The following TSNARE1 variants were observed in gnomAD, a reference collection of about 807,000 sequenced individuals.
The protein encoded by TSNARE1 is t-SNARE domain-containing protein 1.
TSNARE1 carries 49 observed loss-of-function variants against 62.0 expected under a neutral mutation model. That is an observed-to-expected ratio of 0.79 (90% CI 0.63 to 1.00). The LOEUF is 1.00. TSNARE1 is among the 50% of genes least tolerant of loss of function. The pLI, the probability that TSNARE1 is intolerant of heterozygous loss-of-function variation, is 0.00. For missense variants in TSNARE1, 755 were observed against 700.1 expected, an observed-to-expected ratio of 1.08 and a Z score of -0.88; for synonymous variants, 328 against 294.4, an observed-to-expected ratio of 1.11 and a Z score of -1.17.
chr8:142,284,495 C>T lies in TSNARE1; in HGVS notation c.1291-10G>A, dbSNP rs777990923. On this transcript the variant is annotated splice_polypyrimidine_tract_variant and intron_variant, in intron 10 of 13. Transcript: ENST00000524325. ...CATCCAGCAAGTTGCTCTGTGGAAA[C>T]AACATAGAACCACATCAGGAGCAGG... The T allele has an allele frequency of 6.2e-7, 1 of 1,612,170 alleles. No homozygotes were observed. The highest frequency in any genetic ancestry group is 8.5e-7 in the Non-Finnish European group (1 of 1,178,624).
chr8:142,325,115 G>T (rs1830012326), intron 6 of TSNARE1, among the ~76,000 whole-genome samples: 1 of 152,270 alleles, frequency 6.6e-6, no homozygotes. Context: ...CCACGGTGGA[G>T]GAGGTGGCCA....
intron 1 of TSNARE1, among the ~76,000 whole-genome samples, chr8:142,395,269 G>A (rs1160878413): frequency 2.6e-5 from 4 of 152,126 alleles, no homozygotes; most frequent in African/African-American, 4.8e-5. Context: ...AAGCCACGCA[G>A]AGCCACTTCC....
intron 1 of TSNARE1, among the ~76,000 whole-genome samples, chr8:142,363,674 T>C (rs1254262974): frequency 6.6e-6 from 1 of 152,100 alleles, no homozygotes; most frequent in African/African-American, 2.4e-5. Flanking sequence ...CACAGGAGCC[T>C]TCAAGCTGTG....
intron 1 of TSNARE1, among the ~76,000 whole-genome samples, chr8:142,388,132 T>C (rs1447471505): frequency 6.6e-6 from 1 of 152,182 alleles, no homozygotes; most frequent in Admixed American, 6.5e-5. Flanking sequence ...ATTCACTATA[T>C]TAATATGTCT....
intron 1 of TSNARE1, among the ~76,000 whole-genome samples, chr8:142,380,238 C>T (rs931652170): frequency 3.3e-5 from 5 of 152,344 alleles, no homozygotes; most frequent in Non-Finnish European, 5.9e-5. Flanking sequence ...GCCTGCAGCA[C>T]GTCCATGGGG....
At chr8:142,284,506 C>T (rs1230663767) in intron 10 of TSNARE1, 21 bp from the exon 11 acceptor site, 2 of 1,608,356 alleles carry the variant, frequency 1.2e-6, no homozygotes, top group Non-Finnish European at 1.7e-6. Flanking sequence ...AACATAGAAC[C>T]ACATCAGGAG....
chr8:142,384,552 C>T (rs1360174570), intron 1 of TSNARE1, among the ~76,000 whole-genome samples: 1 of 152,160 alleles, frequency 6.6e-6, no homozygotes, highest in Non-Finnish European at 1.5e-5. Flanking sequence ...TGATCATCAA[C>T]AAGCATGCTA....
Position 142,298,830 on chromosome 8 carries a change from C to T in TSNARE1, c.1290+1656G>A, listed in dbSNP as rs573024204. Among the ~76,000 whole-genome samples, 34 of 152,330 alleles carry T rather than the reference C, an allele frequency of 2.2e-4. 1 individual carries two copies. The South Asian group carries it at 6.0e-3, about 27-fold the overall frequency. On this transcript the variant is annotated intron_variant, in intron 10 of 13. Coordinates refer to ENST00000524325, the MANE Select transcript of TSNARE1 (RefSeq NM_145003.5). ...CAAAGGGGAAGCGGTCCGTCTGCCT[C>T]TCTAGCTGTGAAGCCTTCAGGGCAG...
chr8:142,378,774 C>A (rs1386224883), intron 1 of TSNARE1, among the ~76,000 whole-genome samples: 1 of 152,198 alleles, frequency 6.6e-6, no homozygotes, highest in Non-Finnish European at 1.5e-5. Context: ...AGTAAGCTAC[C>A]GCCCAGAGGT....
intron 2 of TSNARE1, among the ~76,000 whole-genome samples, chr8:142,346,899 A>G (rs7844534): frequency 0.17 from 26,185 of 152,238 alleles, 2,424 homozygotes; most frequent in East Asian, 0.3. Context: ...CCAACGTGAC[A>G]GGGAGGGAAG....
chr8:142,226,663 G>A (rs1401571173), intron 13 of TSNARE1, among the ~76,000 whole-genome samples: 13 of 151,212 alleles, frequency 8.6e-5, no homozygotes, highest in Admixed American at 8.5e-4. Context: ...GGAGGAATGG[G>A]GTCACTGCCC....
intron 11 of TSNARE1, among the ~76,000 whole-genome samples, chr8:142,281,978 T>C (rs1821561157): frequency 6.6e-6 from 1 of 152,208 alleles, no homozygotes; most frequent in Non-Finnish European, 1.5e-5. Context: ...GACAAGACTG[T>C]GGGCCTCCCA....
chr8:142,223,065 T>TTCATTC (rs1816514365), intron 13 of TSNARE1, among the ~76,000 whole-genome samples: 1 of 83,858 alleles, frequency 1.2e-5, no homozygotes, highest in Admixed American at 1.2e-4. Context: ...CTCATTCACT[T>TTCATTC]ACTCGCTCAT....
chr8:142,343,771 AGAGGAGGAGGAGGAG>A (rs1211571943), intron 4 of TSNARE1, among the ~76,000 whole-genome samples, 180 bp downstream of exon 4: 2 of 56,964 alleles, frequency 3.5e-5, no homozygotes, highest in Non-Finnish European at 5.5e-5. Context: ...GGAGGGGAGA[AGAGGAGGAGGAGGAG>A]GAGGAGGAGG....
chr8:142,271,388 G>T (rs1819522577), intron 12 of TSNARE1: 1 of 1,232,788 alleles, frequency 8.1e-7, no homozygotes, highest in Middle Eastern at 3.1e-4. Flanking sequence ...GGACAGCAGG[G>T]CGCCCTGCTG....
At chr8:142,252,935 C>T (rs1024726017) in intron 12 of TSNARE1, among the ~76,000 whole-genome samples, 1 of 152,218 alleles carries the variant, frequency 6.6e-6, no homozygotes, top group Non-Finnish European at 1.5e-5. Context: ...AGCACAGACA[C>T]GCCTGCTCTG....
chr8:142,301,921 C>T (rs553676172), intron 9 of TSNARE1, among the ~76,000 whole-genome samples: 1 of 152,332 alleles, frequency 6.6e-6, no homozygotes, highest in African/African-American at 2.4e-5. Flanking sequence ...CGCCTGCCCT[C>T]AGACACACAT....
At chr8:142,355,646 C>G (rs1379493354) in intron 1 of TSNARE1, among the ~76,000 whole-genome samples, 2 of 152,222 alleles carry the variant, frequency 1.3e-5, no homozygotes, top group Admixed American at 1.3e-4. Context: ...CAGCTTCTGA[C>G]TGGCCTACAC....
At chr8:142,312,406 A>AT (rs559607800) in intron 9 of TSNARE1, among the ~76,000 whole-genome samples, 4 of 152,194 alleles carry the variant, frequency 2.6e-5, no homozygotes, top group Non-Finnish European at 5.9e-5. Context: ...GAGATTCTAG[A>AT]TGATGGGATT....
Sources: gnomAD v4.1 joint callset for allele counts (sites outside exome capture counted in the v4.1 genomes callset) on GRCh38, gnomAD v4.1.1 for gene constraint, MANE v1.5 for transcripts, NCBI Gene and HGNC (gene_info 2026-07-23, HGNC 2026-07-21) for gene names.